Variants in MTG1 observed in about 807,000 individuals in gnomAD.
The protein encoded by MTG1 is mitochondrial ribosome associated GTPase 1.
MTG1 carries 30 observed loss-of-function variants against 39.5 expected under a neutral mutation model. That is an observed-to-expected ratio of 0.76 (90% CI 0.57 to 1.03). The LOEUF (loss-of-function observed/expected upper bound fraction) is 1.03, where lower values mean the gene tolerates loss of function less well. Ranked by LOEUF, MTG1 falls within the 50% of genes least tolerant of loss-of-function variation. The probability of loss-of-function intolerance (pLI) is 0.00; values close to 1 mark genes in which losing one functional copy is unlikely to be tolerated. For synonymous variants in MTG1, 217 were observed against 179.0 expected, an observed-to-expected ratio of 1.21 and a Z score of -1.69; for missense variants, 513 against 447.4, an observed-to-expected ratio of 1.15 and a Z score of -1.32.
chr10:133,415,976 C>T (rs1184017328), intron 9 of MTG1, among the ~76,000 whole-genome samples: 5 of 136,218 alleles, frequency 3.7e-5, no homozygotes, highest in African/African-American at 1.5e-4. Flanking sequence ...GTCGGGCAGG[C>T]GGGTGTCGGC....
intron 6 of MTG1, 31 bp from the exon 7 acceptor site, chr10:133,401,498 A>G: frequency 1.3e-6 from 2 of 1,537,956 alleles, no homozygotes; most frequent in East Asian, 2.3e-5. Flanking sequence ...TTTAGTATAC[A>G]TTTGAGCCTC....
chr10:133,396,891 C>T (rs935605429), intron 3 of MTG1, among the ~76,000 whole-genome samples: 1 of 152,170 alleles, frequency 6.6e-6, no homozygotes, highest in African/African-American at 2.4e-5. Flanking sequence ...TGGGAAGACG[C>T]CCGTTGCCAA....
At chr10:133,413,375 A>G (rs1850073274) in intron 9 of MTG1, among the ~76,000 whole-genome samples, 1 of 151,526 alleles carries the variant, frequency 6.6e-6, no homozygotes, top group Admixed American at 6.6e-5. Context: ...CGGCCTCCCA[A>G]AGTGCTGGGA....
chr10:133,421,483 G>A lies in MTG1; in HGVS notation c.*1318G>A, dbSNP rs1432617606. On this transcript the variant is annotated 3_prime_UTR_variant, in exon 11 of 11. Transcript: ENST00000317502. Reference sequence around the variant, plus strand: ...AGACTCAGACCACCCCCTGCCTCCTGGGGGAAATGTCAGAAGGGCTTCTCT... The same window carrying A: ...AGACTCAGACCACCCCCTGCCTCCTAGGGGAAATGTCAGAAGGGCTTCTCT... 1 of 152,770 alleles carries A rather than the reference G, an allele frequency of 6.5e-6. No homozygotes were observed. Among genetic ancestry groups the A allele is most frequent in the African/African-American group, 2.4e-5 (1 of 41,436 alleles). The allele number at this position is 152,770 out of a possible 1,614,324, so 9.5% of individuals were successfully genotyped here.
At chr10:133,416,384 A>T (rs900316932) in intron 9 of MTG1, among the ~76,000 whole-genome samples, 98 of 135,766 alleles carry the variant, frequency 7.2e-4, no homozygotes, top group Non-Finnish European at 4.3e-4. Context: ...ATATATATAT[A>T]TATATTTTTC....
At chr10:133,399,275 G>A in intron 5 of MTG1, 49 bp downstream of exon 5, 1 of 1,597,656 alleles carries the variant, frequency 6.3e-7, no homozygotes, top group Non-Finnish European at 8.6e-7. Flanking sequence ...GCGTGGGATG[G>A]GCCAGCCCCT....
intron 5 of MTG1, 36 bp from the exon 6 acceptor site, chr10:133,399,493 C>G (rs55658692): frequency 0.081 from 129,201 of 1,598,712 alleles, 5,699 homozygotes; most frequent in Middle Eastern, 0.13. Flanking sequence ...CTAGCGGCCA[C>G]GGTGGGCCCT....
rs1284654105 is a variant in MTG1, at chr10:133,402,330, C to T, written c.670+85C>T. The T allele has an allele frequency of 1.3e-4, 203 of 1,519,496 alleles. No homozygotes were observed. The highest frequency in any genetic ancestry group is 6.8e-5 in the East Asian group (3 of 44,442). 94.1% of individuals were successfully genotyped at this position (1,519,496 alleles called of 1,614,324 possible). On this transcript the variant is annotated intron_variant, in intron 8 of 10. Transcript: ENST00000317502. The surrounding 1 kb of genome is among the most constrained non-coding windows in gnomAD (Gnocchi z 4.7). The stretch of plus-strand genomic sequence containing the variant: ...TAGGGCTGGCTTTGGCACAGGGCCC[C>T]TAGACGGGAGTTGTTACTGCCTTTG...
chr10:133,406,343 G>A (rs565862364), intron 9 of MTG1, among the ~76,000 whole-genome samples: 1 of 152,116 alleles, frequency 6.6e-6, no homozygotes, highest in Non-Finnish European at 1.5e-5. Context: ...TCCAGGCTGA[G>A]TGCAGTGGTG....
At chr10:133,414,689 G>T (rs1470861378) in intron 9 of MTG1, among the ~76,000 whole-genome samples, 1 of 152,176 alleles carries the variant, frequency 6.6e-6, no homozygotes. Context: ...ACGATGGGCG[G>T]CCAGGCAGAG....
intron 9 of MTG1, among the ~76,000 whole-genome samples, chr10:133,417,889 G>C (rs1453071840): frequency 2.0e-5 from 3 of 152,312 alleles, no homozygotes; most frequent in Non-Finnish European, 4.4e-5. Flanking sequence ...ACAAACAAAT[G>C]GAAGAACATT....
At chr10:133,396,345 C>T in intron 3 of MTG1, 78 bp downstream of exon 3, 2 of 1,252,248 alleles carry the variant, frequency 1.6e-6, no homozygotes, top group South Asian at 2.4e-5. Flanking sequence ...GGAAGAGTTG[C>T]CGGACGCACA....
At position 133,396,242 on chromosome 10, in the gene MTG1, A is replaced by G; in HGVS notation, c.257A>G (p.Asp86Gly). Reference sequence around the variant, plus strand: ...CACTTGCTGGTCCTCAACAAGATGGACTTGGCGGATCTTACAGAGCAGCAG... The same window carrying G: ...CACTTGCTGGTCCTCAACAAGATGGGCTTGGCGGATCTTACAGAGCAGCAG... ...KPHLLVLNKMDLADLTEQQKI... is the reference protein window; with the variant it reads ...KPHLLVLNKMGLADLTEQQKI... The change falls in exon 3 of 11, where the codon GAC becomes GGC. Residue 86 changes from aspartate (D) to glycine (G), a missense_variant. Transcript: ENST00000317502. The G allele has an allele frequency of 6.2e-7, 1 of 1,614,160 alleles. No homozygotes were observed. Among genetic ancestry groups the G allele is most frequent in the South Asian group, 1.1e-5 (1 of 91,084 alleles).
chr10:133,419,375 T>G, intron 9 of MTG1, 105 bp from the exon 10 acceptor site: 3 of 838,222 alleles, frequency 3.6e-6, no homozygotes, highest in Non-Finnish European at 5.6e-6. Context: ...CCACAGGAGG[T>G]GCCTGGCCGT....
intron 9 of MTG1, among the ~76,000 whole-genome samples, chr10:133,413,924 T>C (rs1180116460): frequency 3.3e-5 from 5 of 151,694 alleles, no homozygotes; most frequent in Non-Finnish European, 7.4e-5. Context: ...TTTTCTTTTT[T>C]TTTTTTTTTT....
intron 3 of MTG1, among the ~76,000 whole-genome samples, chr10:133,396,801 C>T (rs1011483567): frequency 2.0e-5 from 3 of 152,204 alleles, no homozygotes; most frequent in African/African-American, 4.8e-5. Flanking sequence ...CATAGTGAGA[C>T]GTGACAAGTG....
intron 3 of MTG1, among the ~76,000 whole-genome samples, chr10:133,397,303 G>A (rs1268107882): frequency 1.3e-5 from 2 of 151,922 alleles, no homozygotes; most frequent in African/African-American, 2.4e-5. Flanking sequence ...CATGACCCAC[G>A]TGACCTTACC....
intron 1 of MTG1, chr10:133,394,780 C>T: frequency 1.0e-6 from 1 of 968,690 alleles, no homozygotes; most frequent in Non-Finnish European, 1.2e-6. Flanking sequence ...CGTTCTCCTG[C>T]TTAACGTCTT....
chr10:133,420,083 C>G lies in MTG1; in HGVS notation c.923C>G (p.Thr308Ser), dbSNP rs1564824624. Reference sequence around the variant, plus strand: ...GCGGCAGCCCGTGACTTCCTGCAGACTTTCCGCCGTGGGCTGCTGGGTTCC... The same window carrying G: ...GCGGCAGCCCGTGACTTCCTGCAGAGTTTCCGCCGTGGGCTGCTGGGTTCC... ...YPAAARDFLQ[T>S]FRRGLLGSVM... Residue 308 changes from threonine (T) to serine (S), a missense_variant, in exon 11 of 11, where the codon ACT (threonine) becomes AGT (serine). By Grantham distance (58) the Thr-to-Ser change is moderately conservative. Transcript: ENST00000317502. The G allele has an allele frequency of 6.2e-7, 1 of 1,613,612 alleles. No homozygotes were observed. Among genetic ancestry groups the G allele is most frequent in the Non-Finnish European group, 8.5e-7 (1 of 1,179,842 alleles).
Sources: allele counts gnomAD v4.1 joint callset (sites outside exome capture counted in the v4.1 genomes callset), GRCh38; gene constraint gnomAD v4.1.1; non-coding constraint Gnocchi (gnomAD v3.1); transcripts MANE v1.5; gene names NCBI Gene and HGNC (gene_info 2026-07-23, HGNC 2026-07-21).